The following ATP2C2 variants were observed in gnomAD, a reference collection of about 807,000 sequenced individuals.
The protein encoded by ATP2C2 is ATPase secretory pathway Ca2+ transporting 2.
A neutral mutation model predicts 110.8 loss-of-function variants in ATP2C2; 171 were observed. The ratio of observed to expected loss-of-function variants is 1.54; its 90% CI spans 1.36 to 1.75. ATP2C2 has a LOEUF of 1.75. Among genes scored for constraint, ATP2C2 ranks in the 40% most tolerant of loss-of-function variants. The probability of loss-of-function intolerance (pLI) is 0.00; values close to 1 mark genes in which losing one functional copy is unlikely to be tolerated. For synonymous variants in ATP2C2, 804 were observed against 508.4 expected (o/e 1.58, Z -7.82); for missense variants, 1,963 against 1,235.0 (o/e 1.59, Z -8.84).
intron 11 of ATP2C2, among the ~76,000 whole-genome samples, chr16:84,437,670 C>CTGT: frequency 6.6e-6 from 1 of 152,274 alleles, no homozygotes; most frequent in East Asian, 1.9e-4. Flanking sequence ...TGCATGCCAC[C>CTGT]ACACCTGGCT....
At chr16:84,453,275 A>G in intron 19 of ATP2C2, 40 bp downstream of exon 19, 1 of 1,614,098 alleles carries the variant, frequency 6.2e-7, no homozygotes. Context: ...GGGCTGGGTC[A>G]CAGCTTTGAA....
rs546049013 is a variant in ATP2C2 at position 84,460,500 on chromosome 16, G to A, written c.2334-154G>A. 9.9e-5 allele frequency: 101 copies of A among 1,016,894 alleles called. No individual in the cohort carries two copies. In the South Asian group the frequency reaches 1.0e-3, roughly 10 times the overall value. The allele number at this position is 1,016,894 out of a possible 1,614,324, so 63.0% of individuals were successfully genotyped here. A position where few individuals can be genotyped will look rare whatever the true frequency, so the allele number is the denominator to read the frequency against. ...GGCTCTGGGGCTTCTGGAAGGTGCC[G>A]AGGAGGGCAGGTGCGATGCCTGGGG... On this transcript the variant is annotated intron_variant, in intron 23 of 26. Transcript: ENST00000262429.
At chr16:84,458,678 C>G (rs143355785) in intron 21 of ATP2C2, among the ~76,000 whole-genome samples, 68 of 152,326 alleles carry the variant, frequency 4.5e-4, no homozygotes, top group African/African-American at 1.5e-3. Flanking sequence ...CAGAAGCAGG[C>G]GATGTCCTTC....
chr16:84,453,873 C>T (rs977860418), intron 20 of ATP2C2, among the ~76,000 whole-genome samples: 1 of 151,970 alleles, frequency 6.6e-6, no homozygotes, highest in Non-Finnish European at 1.5e-5. Flanking sequence ...CGGAGTCTTG[C>T]TCTGTCACCT....
chr16:84,419,437 A>C (rs1247601444), intron 7 of ATP2C2, among the ~76,000 whole-genome samples: 2 of 151,944 alleles, frequency 1.3e-5, no homozygotes, highest in African/African-American at 4.8e-5. Context: ...TCGTGATCTC[A>C]CGGGGCCCAC....
intron 11 of ATP2C2, 148 bp from the exon 12 acceptor site, chr16:84,439,018 G>T: frequency 8.3e-7 from 1 of 1,209,556 alleles, no homozygotes; most frequent in Non-Finnish European, 1.2e-6. Context: ...GGAGGCAGGT[G>T]CACCTTAGGA....
intron 15 of ATP2C2, among the ~76,000 whole-genome samples, chr16:84,445,563 T>A (rs1472956102): frequency 6.6e-6 from 1 of 152,160 alleles, no homozygotes; most frequent in Non-Finnish European, 1.5e-5. Context: ...TAGCCTCAAA[T>A]TGACGATATC....
chr16:84,459,020 C>G (rs1910971658), intron 21 of ATP2C2, 100 bp from the exon 22 acceptor site: 1 of 1,299,822 alleles, frequency 7.7e-7, no homozygotes, highest in Non-Finnish European at 1.1e-6. Context: ...AGTATAACAT[C>G]AATCTGGGCG....
intron 2 of ATP2C2, among the ~76,000 whole-genome samples, chr16:84,399,443 C>G (rs1905190538): frequency 6.6e-6 from 1 of 152,200 alleles, no homozygotes; most frequent in Non-Finnish European, 1.5e-5. Context: ...CCTCTACCAG[C>G]AAGTACAGTT....
rs989587139 is a variant in ATP2C2 at position 84,413,201 on chromosome 16, G to A, written c.516-2282G>A. Among the ~76,000 whole-genome samples, 11 of 151,858 alleles carry A rather than the reference G, an allele frequency of 7.2e-5. No homozygotes were observed. The East Asian group carries it at 7.7e-4, about 11-fold the overall frequency. ...CATTTCCAACATTTGGCAAACATAC[G>A]GCAACTCCGTATTTTCTGAAGGATA... is the stretch of plus-strand genomic sequence containing the variant. On this transcript the variant is annotated intron_variant, in intron 6 of 26. Transcript: ENST00000262429.
intron 24 of ATP2C2, 70 bp from the exon 25 acceptor site, chr16:84,461,644 T>C: frequency 7.2e-7 from 1 of 1,392,946 alleles, no homozygotes; most frequent in Non-Finnish European, 1.0e-6. Flanking sequence ...GAGGCAGGCC[T>C]GTGCCCTTTG....
intron 23 of ATP2C2, chr16:84,460,355 G>T (rs764955105): frequency 1.1e-5 from 5 of 436,772 alleles, no homozygotes; most frequent in Non-Finnish European, 2.1e-5. Flanking sequence ...GTTGGGGGGG[G>T]TCCCCTCGGG....
chr16:84,444,639 G>A (rs2040061594), intron 15 of ATP2C2, among the ~76,000 whole-genome samples: 1 of 152,216 alleles, frequency 6.6e-6, no homozygotes, highest in South Asian at 2.1e-4. Flanking sequence ...GAAGGTGCCG[G>A]CCTGACCGCC....
chr16:84,441,959 T>TACTA (rs1555564744), intron 14 of ATP2C2, among the ~76,000 whole-genome samples: 3 of 146,234 alleles, frequency 2.1e-5, no homozygotes, highest in African/African-American at 8.0e-5. Flanking sequence ...TATGCAAAAC[T>TACTA]AGTAATAATA....
intron 7 of ATP2C2, among the ~76,000 whole-genome samples, chr16:84,420,125 C>T: frequency 6.6e-6 from 1 of 152,184 alleles, no homozygotes; most frequent in Non-Finnish European, 1.5e-5. Flanking sequence ...CCCTGTCCCT[C>T]CTCCCAGGCC....
intron 11 of ATP2C2, among the ~76,000 whole-genome samples, chr16:84,429,478 A>G (rs975080978): frequency 1.3e-5 from 2 of 152,156 alleles, no homozygotes; most frequent in African/African-American, 4.8e-5. Flanking sequence ...AGGAGCATTT[A>G]TCCTTCGGTG....
chr16:84,414,454 TAGA>T (rs1906657931), intron 6 of ATP2C2, among the ~76,000 whole-genome samples: 1 of 152,108 alleles, frequency 6.6e-6, no homozygotes, highest in African/African-American at 2.4e-5. Context: ...AAAGGCCCTA[TAGA>T]AGAAGGGTGT....
chr16:84,436,836 C>T (rs538190602), intron 11 of ATP2C2, among the ~76,000 whole-genome samples: 1 of 150,260 alleles, frequency 6.7e-6, no homozygotes, highest in African/African-American at 2.4e-5. Context: ...CATCTCAGCT[C>T]ACCACAACCT....
chr16:84,425,599 G>C, intron 10 of ATP2C2, 136 bp from the exon 11 acceptor site: 2 of 940,622 alleles, frequency 2.1e-6, no homozygotes, highest in Non-Finnish European at 3.4e-6. Flanking sequence ...GAGACGGGTT[G>C]AAAGTGGTTG....
Sources: allele counts gnomAD v4.1 joint callset (sites outside exome capture counted in the v4.1 genomes callset), GRCh38; gene constraint gnomAD v4.1.1; transcripts MANE v1.5; gene names NCBI Gene and HGNC (gene_info 2026-07-23, HGNC 2026-07-21).